The following PTPRR variants were observed in gnomAD, a reference collection of about 807,000 sequenced individuals.
The protein encoded by PTPRR is protein tyrosine phosphatase receptor type R.
A neutral mutation model predicts 77.2 loss-of-function variants in PTPRR; 38 were observed. The observed-to-expected ratio is 0.49, with a 90% CI of 0.38 to 0.65. The LOEUF is 0.65. Among genes scored for constraint, PTPRR ranks in the 30% least tolerant of loss-of-function variants. The pLI, the probability that PTPRR is intolerant of heterozygous loss-of-function variation, is 0.00. For synonymous variants in PTPRR, 299 were observed against 283.1 expected, an observed-to-expected ratio of 1.06 and a Z score of -0.57; for missense variants, 744 against 799.2, an observed-to-expected ratio of 0.93 and a Z score of 0.83.
chr12:70,772,277 C>T (rs1890995106), intron 2 of PTPRR, among the ~76,000 whole-genome samples: 1 of 152,112 alleles, frequency 6.6e-6, no homozygotes. Context: ...GCTAGGCATA[C>T]TTCTGAGTAC....
chr12:70,681,660 G>C (rs934287193), intron 10 of PTPRR, among the ~76,000 whole-genome samples: 1 of 152,168 alleles, frequency 6.6e-6, no homozygotes, highest in East Asian at 1.9e-4. Flanking sequence ...AAACACTCCA[G>C]TTCAAACATA....
Position 70,874,314 on chromosome 12 carries a change from C to A in PTPRR, c.357+18365G>T, listed in dbSNP as rs4237864. The stretch of plus-strand genomic sequence containing the variant: ...CAAATAAGTAGAGTGGTGGCATGGG[C>A]AAGGAGACCACTGGAGTCAGGCACA... On this transcript the variant is annotated intron_variant, in intron 2 of 13. Transcript: ENST00000283228. Among the ~76,000 whole-genome samples, 15 of 151,916 alleles carry A rather than the reference C, an allele frequency of 9.9e-5. 1 individual carries two copies. In the South Asian group the frequency reaches 3.1e-3, roughly 31 times the overall value.
intron 2 of PTPRR, among the ~76,000 whole-genome samples, chr12:70,770,083 C>T (rs1178180735): frequency 2.0e-5 from 3 of 151,110 alleles, no homozygotes; most frequent in Admixed American, 6.6e-5. Context: ...CATTACCATT[C>T]AGGACATAGG....
chr12:70,704,731 T>C (rs865790163), intron 6 of PTPRR, among the ~76,000 whole-genome samples: 19 of 152,080 alleles, frequency 1.2e-4, no homozygotes, highest in East Asian at 5.8e-4. Flanking sequence ...TATAAACTTA[T>C]GGGAAAATTC....
intron 2 of PTPRR, among the ~76,000 whole-genome samples, chr12:70,796,031 C>T (rs12578344): frequency 0.67 from 99,930 of 148,046 alleles, 36,206 homozygotes; most frequent in South Asian, 0.84. Flanking sequence ...TCAAGTGATT[C>T]TCCTGCCTCA....
At chr12:70,641,046 G>A (rs1442775765) in intron 13 of PTPRR, among the ~76,000 whole-genome samples, 2 of 152,196 alleles carry the variant, frequency 1.3e-5, no homozygotes, top group African/African-American at 2.4e-5. Flanking sequence ...GAAATGGCCA[G>A]CTGAGAATGT....
At chr12:70,729,538 C>T (rs145814481) in intron 6 of PTPRR, among the ~76,000 whole-genome samples, 7 of 152,272 alleles carry the variant, frequency 4.6e-5, no homozygotes, top group South Asian at 2.1e-4. Context: ...TCTAAGGTTT[C>T]TCCCAACTGT....
At position 70,857,123 on chromosome 12, in the gene PTPRR, A is replaced by G. The variant is rs77861653; in HGVS notation, c.357+35556T>C. Among the ~76,000 whole-genome samples the G allele has an allele frequency of 2.6e-3, 394 of 152,264 alleles. 1 individual carries two copies. The highest frequency in any genetic ancestry group is 9.0e-3 in the African/African-American group (373 of 41,566). On this transcript the variant is annotated intron_variant, in intron 2 of 13. Coordinates refer to ENST00000283228, the MANE Select transcript of PTPRR (RefSeq NM_002849.4). The stretch of plus-strand genomic sequence containing the variant: ...CTATTTGGAGATATAGGTTTTGGGA[A>G]TCATCAGTAAATACATATTTGATAT...
intron 2 of PTPRR, 59 bp downstream of exon 2, chr12:70,892,620 G>T: frequency 6.4e-7 from 1 of 1,566,440 alleles, no homozygotes; most frequent in Non-Finnish European, 8.7e-7. Context: ...CTTTTTTCAA[G>T]CATCAATGAC....
In PTPRR at chr12:70,745,323, C is replaced by T. The variant is rs571210900; in HGVS notation, c.1007+495G>A. On this transcript the variant is annotated intron_variant, in intron 6 of 13. Transcript: ENST00000283228. ...GATTATAGGCGTGAGCCACTGCGCCCGTCCAGTGTCATGGATCTTGATACT... is the reference window on the plus strand; with the variant it reads ...GATTATAGGCGTGAGCCACTGCGCCTGTCCAGTGTCATGGATCTTGATACT... 4.6e-5 allele frequency among the ~76,000 whole-genome samples: 7 copies of T among 152,150 alleles called. No homozygotes were observed. In the South Asian group the frequency reaches 6.2e-4, roughly 14 times the overall value.
intron 6 of PTPRR, among the ~76,000 whole-genome samples, chr12:70,714,014 C>T (rs1384747511): frequency 1.3e-5 from 2 of 151,980 alleles, no homozygotes; most frequent in Non-Finnish European, 2.9e-5. Flanking sequence ...TGTAGTAGGT[C>T]TTATCCCATC....
rs1010870682 is a variant in PTPRR, at chr12:70,770,396, G to A, written c.358-5618C>T. ...AAAGAAGACATTTATGCAGCCAAAA[G>A]ACACATGAAAAAATGCTCACCATCA... is the stretch of plus-strand genomic sequence containing the variant. On this transcript the variant is annotated intron_variant, in intron 2 of 13. Coordinates refer to ENST00000283228, the MANE Select transcript of PTPRR (RefSeq NM_002849.4). Among the ~76,000 whole-genome samples the A allele has an allele frequency of 5.3e-3, 807 of 152,226 alleles. 7 individuals carry two copies. The highest frequency in any genetic ancestry group is 0.018 in the African/African-American group (763 of 41,520).
chr12:70,830,407 A>G (rs1189468077), intron 2 of PTPRR, among the ~76,000 whole-genome samples: 1 of 152,168 alleles, frequency 6.6e-6, no homozygotes, highest in Admixed American at 6.5e-5. Flanking sequence ...AATACTTAAA[A>G]TAAATACATA....
At chr12:70,688,332 C>G (rs904069626) in intron 8 of PTPRR, among the ~76,000 whole-genome samples, 2 of 152,040 alleles carry the variant, frequency 1.3e-5, no homozygotes, top group Non-Finnish European at 2.9e-5. Flanking sequence ...CAAAATATAT[C>G]AGAAACTCAA....
chr12:70,765,759 C>T (rs901686368), intron 2 of PTPRR, among the ~76,000 whole-genome samples: 1 of 152,124 alleles, frequency 6.6e-6, no homozygotes, highest in African/African-American at 2.4e-5. Flanking sequence ...TGGGAGGCAC[C>T]CCCCCAGAAG....
At chr12:70,665,364 C>CTTTTTTTTTTTTTTTTTTTTTTTTT (rs72472808) in intron 10 of PTPRR, among the ~76,000 whole-genome samples, 1 of 44,602 alleles carries the variant, frequency 2.2e-5, no homozygotes, top group Non-Finnish European at 4.5e-5. Flanking sequence ...AATGCAAATT[C>CTTTTTTTTTTTTTTTTTTTTTTTTT]TTTTTTTTTT....
intron 1 of PTPRR, among the ~76,000 whole-genome samples, chr12:70,896,046 G>C (rs1893422204): frequency 6.6e-6 from 1 of 151,536 alleles, no homozygotes; most frequent in Non-Finnish European, 1.5e-5. Flanking sequence ...AGAGTGAAAA[G>C]CAACATATCA....
Position 70,684,154 on chromosome 12 carries a change from C to A in PTPRR, c.1470G>T (p.Met490Ile). Residue 490 changes from methionine to isoleucine, a missense_variant, in exon 10 of 14, where the codon ATG (methionine) becomes ATT (isoleucine). By Grantham distance (10) the Met-to-Ile change is conservative. Around this residue, in one of 3 missense-constraint regions of PTPRR, gnomAD observed 170 missense variants for 209.8 expected, o/e 0.81. Transcript: ENST00000283228. ...VWQEDSPVIV[M>I]ITKLKEKNEK... ...CATTTTTTTCTTTGAGTTTTGTGAT[C>A]ATAACAATCACAGGGCTGTCTTCCT... 1 of 1,613,818 alleles carries A rather than the reference C, an allele frequency of 6.2e-7. No individual in the cohort carries two copies. The highest frequency in any genetic ancestry group is 8.5e-7 in the Non-Finnish European group (1 of 1,179,862).
intron 6 of PTPRR, among the ~76,000 whole-genome samples, chr12:70,724,587 G>A (rs545732040): frequency 1.3e-5 from 2 of 152,264 alleles, no homozygotes; most frequent in South Asian, 4.1e-4. Flanking sequence ...TGCTACCCTT[G>A]TTGCAGCTTC....
Sources: allele counts gnomAD v4.1 joint callset (sites outside exome capture counted in the v4.1 genomes callset), GRCh38; gene constraint gnomAD v4.1.1; regional missense constraint gnomAD v4.1.1; transcripts MANE v1.5; gene names NCBI Gene and HGNC (gene_info 2026-07-23, HGNC 2026-07-21).